Variants in ELMO1 observed in about 807,000 individuals in gnomAD.
The protein encoded by ELMO1 is engulfment and cell motility protein 1.
Under a neutral mutation model 98.9 loss-of-function variants are expected in ELMO1, and 26 were observed. The observed-to-expected ratio is 0.26, with a 90% CI of 0.19 to 0.36. The LOEUF is 0.36. Among genes scored for constraint, ELMO1 ranks in the 10% least tolerant of loss-of-function variants. ELMO1 has a pLI of 1.00. For synonymous variants in ELMO1, 346 were observed against 346.0 expected (o/e 1.00, Z 0.00); for missense variants, 627 against 935.2 (o/e 0.67, Z 4.30).
At chr7:37,423,544 C>A (rs1408163137) in intron 1 of ELMO1, among the ~76,000 whole-genome samples, 2 of 152,192 alleles carry the variant, frequency 1.3e-5, no homozygotes, top group East Asian at 1.9e-4. Flanking sequence ...CTTGCCACTG[C>A]ACTCCAGCCC....
intron 18 of ELMO1, among the ~76,000 whole-genome samples, chr7:36,881,165 C>T (rs1804422265): frequency 6.6e-6 from 1 of 152,178 alleles, no homozygotes; most frequent in Non-Finnish European, 1.5e-5. Flanking sequence ...CGCTGAGAAA[C>T]TTGTCTTGAC....
chr7:37,266,111 T>C (rs1584893193), intron 5 of ELMO1, among the ~76,000 whole-genome samples: 1 of 152,168 alleles, frequency 6.6e-6, no homozygotes, highest in African/African-American at 2.4e-5. Flanking sequence ...GGATCCTGTG[T>C]CGCCTCTGCC....
At chr7:37,087,398 CTTTAT>C (rs1267402787) in intron 15 of ELMO1, among the ~76,000 whole-genome samples, 1 of 150,688 alleles carries the variant, frequency 6.6e-6, no homozygotes, top group Admixed American at 6.6e-5. Flanking sequence ...GTTTTGGTAT[CTTTAT>C]TTTAAGAATG....
At chr7:36,861,596 T>C in intron 21 of ELMO1, 63 bp downstream of exon 21, 3 of 1,544,930 alleles carry the variant, frequency 1.9e-6, no homozygotes, top group Non-Finnish European at 1.8e-6. Flanking sequence ...TAAAATTTCT[T>C]TCTATATTTT....
At chr7:36,938,956 A>G (rs1213818685) in intron 16 of ELMO1, among the ~76,000 whole-genome samples, 1 of 152,134 alleles carries the variant, frequency 6.6e-6, no homozygotes, top group Non-Finnish European at 1.5e-5. Context: ...TGAGCCAGGG[A>G]GTTCCAGGCT....
chr7:37,255,461 C>A (rs1047869328), intron 6 of ELMO1, among the ~76,000 whole-genome samples: 5 of 152,170 alleles, frequency 3.3e-5, no homozygotes, highest in African/African-American at 1.2e-4. Context: ...TTTGTTATGG[C>A]AGCCCTAGCA....
intron 16 of ELMO1, among the ~76,000 whole-genome samples, chr7:36,952,146 A>C (rs1250858611): frequency 6.6e-6 from 1 of 152,212 alleles, no homozygotes; most frequent in African/African-American, 2.4e-5. Context: ...AGCATCTCTG[A>C]GGCCTGCATC....
chr7:37,313,738 T>C (rs747070487), intron 4 of ELMO1, among the ~76,000 whole-genome samples: 22 of 152,120 alleles, frequency 1.4e-4, no homozygotes, highest in Non-Finnish European at 2.5e-4. Context: ...AGTAGAACCC[T>C]TGTTACTGCC....
At chr7:36,980,534 G>T (rs991609555) in intron 16 of ELMO1, among the ~76,000 whole-genome samples, 1 of 152,184 alleles carries the variant, frequency 6.6e-6, no homozygotes, top group Non-Finnish European at 1.5e-5. Context: ...AAACTTAGAT[G>T]CTAAGCTAGA....
chr7:37,343,547 T>G lies in ELMO1; in HGVS notation c.-73-784A>C, dbSNP rs185123016. The stretch of plus-strand genomic sequence containing the variant: ...CTGGTTCTGTTGCCCAGTGGCGCAA[T>G]TTTGGCTCACTGCAACCTCCACCTC... On this transcript the variant is annotated intron_variant, in intron 1 of 21. Transcript: ENST00000310758. Among the ~76,000 whole-genome samples, 5 of 150,062 alleles carry G rather than the reference T, an allele frequency of 3.3e-5. No homozygotes were observed. The East Asian group carries it at 5.9e-4, about 18-fold the overall frequency.
Position 37,080,332 on chromosome 7 carries a change from T to C in ELMO1, c.1300+16287A>G, listed in dbSNP as rs150678496. 7.2e-5 allele frequency among the ~76,000 whole-genome samples: 11 copies of C among 152,320 alleles called. No homozygotes were observed. In the East Asian group the frequency reaches 9.6e-4, roughly 13 times the overall value. ...AAATTATAAATCACATAATGTCACA[T>C]GTATGCTCAATCTGCCCAACGGCTT... On this transcript the variant is annotated intron_variant, in intron 15 of 21. Transcript: ENST00000310758.
intron 19 of ELMO1, 67 bp downstream of exon 19, chr7:36,877,943 G>C: frequency 8.3e-7 from 1 of 1,204,386 alleles, no homozygotes; most frequent in Non-Finnish European, 1.2e-6. Context: ...TCTGTTGCGT[G>C]ATATATTGTG....
intron 2 of ELMO1, among the ~76,000 whole-genome samples, chr7:37,334,958 T>G (rs1007132014): frequency 2.0e-5 from 3 of 152,174 alleles, no homozygotes; most frequent in African/African-American, 7.2e-5. Flanking sequence ...TGTTTTATTC[T>G]TATCTTCACT....
At chr7:36,890,311 T>C (rs1805440900) in intron 17 of ELMO1, among the ~76,000 whole-genome samples, 1 of 152,258 alleles carries the variant, frequency 6.6e-6, no homozygotes, top group African/African-American at 2.4e-5. Flanking sequence ...GTGAGGCCAC[T>C]GCCATGCACA....
At chr7:37,162,812 A>G (rs902641511) in intron 13 of ELMO1, among the ~76,000 whole-genome samples, 5 of 152,222 alleles carry the variant, frequency 3.3e-5, no homozygotes, top group African/African-American at 1.2e-4. Flanking sequence ...AAGCTGGTTA[A>G]TGTCCTAAAA....
intron 16 of ELMO1, among the ~76,000 whole-genome samples, chr7:36,908,901 C>T (rs569781588): frequency 1.5e-3 from 226 of 152,282 alleles, no homozygotes; most frequent in Non-Finnish European, 2.8e-3. Context: ...TAAGCATGGG[C>T]ACAGTGCTCT....
intron 13 of ELMO1, among the ~76,000 whole-genome samples, chr7:37,174,627 C>T (rs572461778): frequency 6.6e-6 from 1 of 152,264 alleles, no homozygotes; most frequent in East Asian, 1.9e-4. Context: ...GCTAGATATC[C>T]AGGCATGCCC....
At chr7:37,435,293 G>T (rs1805098684) in intron 1 of ELMO1, 2 of 152,200 alleles carry the variant, frequency 1.3e-5, no homozygotes, top group Middle Eastern at 3.2e-3. Flanking sequence ...TAGCAATTAA[G>T]AATTTAAAAT....
At chr7:37,364,818 C>A (rs1334774362) in intron 1 of ELMO1, among the ~76,000 whole-genome samples, 3 of 152,092 alleles carry the variant, frequency 2.0e-5, no homozygotes, top group Non-Finnish European at 4.4e-5. Context: ...AAAGTGAATC[C>A]TATTGAAGGT....
Sources: allele counts gnomAD v4.1 joint callset (sites outside exome capture counted in the v4.1 genomes callset), GRCh38; gene constraint gnomAD v4.1.1; transcripts MANE v1.5; gene names NCBI Gene and HGNC (gene_info 2026-07-23, HGNC 2026-07-21).